The following PARP15 variants were observed in gnomAD, a reference collection of about 807,000 sequenced individuals.
PARP15 encodes the protein poly(ADP-ribose) polymerase family member 15, also known as protein mono-ADP-ribosyltransferase PARP15.
A neutral mutation model predicts 62.1 loss-of-function variants in PARP15; 50 were observed. The ratio of observed to expected loss-of-function variants is 0.81; its 90% confidence interval spans 0.64 to 1.02. The LOEUF is 1.02. Ranked by LOEUF, PARP15 falls within the 50% of genes least tolerant of loss-of-function variation. The probability of loss-of-function intolerance (pLI) is 0.00; values close to 1 mark genes in which losing one functional copy is unlikely to be tolerated. For synonymous variants in PARP15, 309 were observed against 293.1 expected (o/e 1.05, Z -0.55); for missense variants, 820 against 826.5 (o/e 0.99, Z 0.10).
intron 3 of PARP15, 151 bp downstream of exon 3, chr3:122,610,881 G>A (rs551161267): frequency 6.4e-5 from 13 of 202,292 alleles, no homozygotes; most frequent in African/African-American, 2.1e-4. Context: ...GGGTAGAAGC[G>A]AGGGATGCTG....
intron 1 of PARP15, among the ~76,000 whole-genome samples, chr3:122,600,817 T>C (rs1254479599): frequency 6.6e-6 from 1 of 151,744 alleles, no homozygotes; most frequent in Non-Finnish European, 1.5e-5. Context: ...GGAAAGGACT[T>C]TGTTTTTAGA....
chr3:122,621,565 T>C lies in PARP15; in HGVS notation c.1185T>C (p.Cys395=). 1 of 1,612,582 alleles carries C rather than the reference T, an allele frequency of 6.2e-7. No homozygotes were observed. Among genetic ancestry groups the C allele is most frequent in the South Asian group, 1.1e-5 (1 of 90,568 alleles). The change falls in exon 8 of 12, where the codon TGT becomes TGC. Residue 395 remains cysteine, a synonymous_variant. Transcript: ENST00000464300. ...CGGTCACCAGTGTTCTAGAAGAGTG[T>C]GAACAGAGGAAGTACACATCGGTTT... The part of the protein sequence containing the change: ...RKTVTSVLEE[C]EQRKYTSVSL...
At position 122,635,847 on chromosome 3, in the gene PARP15, A is replaced by T; in HGVS notation, c.1784A>T (p.Asp595Val). 6.2e-7 allele frequency: 1 copy of T among 1,613,944 alleles called. No individual in the cohort carries two copies. The highest frequency in any genetic ancestry group is 2.2e-5 in the East Asian group (1 of 44,876). The change falls in exon 12 of 12, where the codon GAT (aspartate) becomes GTT (valine). Residue 595 changes from aspartate (D) to valine (V), a missense_variant. By Grantham distance (152) the Asp-to-Val change is radical. Coordinates refer to ENST00000464300, the MANE Select transcript of PARP15 (RefSeq NM_001113523.3). ...GGAAAAGGAACCTATTTTGCTGTGG[A>T]TGCCAGTTATTCTGCCAAGGACACC... Reference protein sequence around the residue: ...SYGKGTYFAVDASYSAKDTYS... With the variant: ...SYGKGTYFAVVASYSAKDTYS...
intron 2 of PARP15, among the ~76,000 whole-genome samples, chr3:122,607,924 A>G (rs75745623): frequency 0.016 from 2,466 of 152,274 alleles, 66 homozygotes; most frequent in African/African-American, 0.054. Context: ...ATCACGCCTC[A>G]GTACTACCCT....
intron 2 of PARP15, among the ~76,000 whole-genome samples, chr3:122,609,332 C>A (rs963688997): frequency 6.6e-6 from 1 of 152,038 alleles, no homozygotes; most frequent in Non-Finnish European, 1.5e-5. Flanking sequence ...AGAAATATAA[C>A]CTATTATATG....
chr3:122,587,290 T>G (rs1933522177), intron 1 of PARP15, among the ~76,000 whole-genome samples: 1 of 149,098 alleles, frequency 6.7e-6, no homozygotes, highest in African/African-American at 2.6e-5. Flanking sequence ...GCAAAAGTTG[T>G]CAAGTCATTT....
intron 2 of PARP15, among the ~76,000 whole-genome samples, chr3:122,608,221 T>C (rs1277755427): frequency 7.1e-6 from 1 of 141,606 alleles, no homozygotes; most frequent in Non-Finnish European, 1.5e-5. Context: ...TTCTTTTTTT[T>C]TTTTTTTTTT....
At chr3:122,626,072 G>A (rs1056306948) in intron 8 of PARP15, among the ~76,000 whole-genome samples, 2 of 152,146 alleles carry the variant, frequency 1.3e-5, no homozygotes, top group Non-Finnish European at 2.9e-5. Flanking sequence ...CAAGTAAGTG[G>A]GGCTTTTCTC....
rs767998930 is a variant in PARP15 at position 122,619,844 on chromosome 3, G to A, written c.1063+1G>A. On this transcript the variant is annotated splice_donor_variant, in intron 7 of 11. Transcript: ENST00000464300. LOFTEE classifies it high-confidence loss of function. ...GTGGAAAGTGAATGTGCTGTACTAG[G>A]TATGGGCACATGTTACTTTTGACTA... 6.2e-7 allele frequency: 1 copy of A among 1,611,540 alleles called. No homozygotes were observed. Among genetic ancestry groups the A allele is most frequent in the South Asian group, 1.1e-5 (1 of 91,020 alleles).
intron 2 of PARP15, 133 bp downstream of exon 2, chr3:122,606,188 G>C (rs1479960289): frequency 5.2e-6 from 6 of 1,151,146 alleles, no homozygotes; most frequent in Non-Finnish European, 7.2e-6. Flanking sequence ...AATTTGAGAA[G>C]TTAAACCCAC....
intron 1 of PARP15, among the ~76,000 whole-genome samples, chr3:122,597,147 C>T (rs1438504946): frequency 6.6e-6 from 1 of 152,158 alleles, no homozygotes; most frequent in Non-Finnish European, 1.5e-5. Context: ...ATGGCACATT[C>T]TTGCTGTGTC....
chr3:122,634,752 C>T (rs1009993345), intron 10 of PARP15, among the ~76,000 whole-genome samples: 3 of 152,178 alleles, frequency 2.0e-5, no homozygotes, highest in African/African-American at 7.2e-5. Flanking sequence ...TAGATATAAA[C>T]CGCAAATTAT....
chr3:122,595,329 C>T (rs753811413), intron 1 of PARP15, among the ~76,000 whole-genome samples: 4 of 150,982 alleles, frequency 2.6e-5, no homozygotes, highest in African/African-American at 4.9e-5. Context: ...TAAATCCATT[C>T]CAGACAGGCT....
rs575267751 is a variant in PARP15 at position 122,586,182 on chromosome 3, T to C, written c.186+8329T>C. On this transcript the variant is annotated intron_variant, in intron 1 of 11. Coordinates refer to ENST00000464300, the MANE Select transcript of PARP15 (RefSeq NM_001113523.3). ...CCCAGCAATATTTATTAAGTGATGATTCATATTTTCACTCTCCTATTCTTA... is the reference window on the plus strand; with the variant it reads ...CCCAGCAATATTTATTAAGTGATGACTCATATTTTCACTCTCCTATTCTTA... Among the ~76,000 whole-genome samples the C allele has an allele frequency of 1.1e-3, 167 of 152,072 alleles. 1 individual carries two copies. Among genetic ancestry groups the C allele is most frequent in the African/African-American group, 3.9e-3 (162 of 41,488 alleles).
chr3:122,600,793 T>C (rs1415002540), intron 1 of PARP15, among the ~76,000 whole-genome samples: 2 of 109,304 alleles, frequency 1.8e-5, no homozygotes, highest in African/African-American at 6.2e-5. Flanking sequence ...CATTATTACC[T>C]TTTTTTTTTT....
intron 2 of PARP15, among the ~76,000 whole-genome samples, chr3:122,607,934 T>C (rs1026829969): frequency 2.0e-5 from 3 of 152,212 alleles, no homozygotes; most frequent in African/African-American, 7.2e-5. Context: ...AGTACTACCC[T>C]TACCTCCTTG....
intron 6 of PARP15, among the ~76,000 whole-genome samples, chr3:122,618,327 G>A (rs1398356692): frequency 6.6e-6 from 1 of 152,102 alleles, no homozygotes; most frequent in Non-Finnish European, 1.5e-5. Flanking sequence ...TACTGTAAAG[G>A]AATGAAAAGG....
intron 8 of PARP15, 24 bp from the exon 9 acceptor site, chr3:122,626,803 T>G (rs369292681): frequency 6.2e-7 from 1 of 1,602,354 alleles, no homozygotes; most frequent in South Asian, 1.1e-5. Context: ...GGGAAACTTC[T>G]TTGTCATTAA....
intron 8 of PARP15, among the ~76,000 whole-genome samples, chr3:122,625,196 G>C (rs1936628889): frequency 6.6e-6 from 1 of 151,980 alleles, no homozygotes; most frequent in African/African-American, 2.4e-5. Flanking sequence ...TCCTAACCCT[G>C]GTACCTCAGA....
Sources: gnomAD v4.1 joint callset for allele counts (sites outside exome capture counted in the v4.1 genomes callset) on GRCh38, gnomAD v4.1.1 for gene constraint, MANE v1.5 for transcripts, NCBI Gene and HGNC (gene_info 2026-07-23, HGNC 2026-07-21) for gene names.